CCL22: variants seen among roughly 807,000 people sequenced by gnomAD.
CCL22 encodes C-C motif chemokine 22.
Under a neutral mutation model 7.6 loss-of-function variants are expected in CCL22, and 7 were observed. That is an observed-to-expected ratio of 0.92 (90% confidence interval 0.52 to 1.72). CCL22 has a LOEUF of 1.72. Among genes scored for constraint, CCL22 ranks in the 40% most tolerant of loss-of-function variants. CCL22 has a pLI of 0.00. For synonymous variants in CCL22, 55 were observed against 47.2 expected (o/e 1.17, Z -0.68); for missense variants, 115 against 124.7 (o/e 0.92, Z 0.37).
intron 2 of CCL22, among the ~76,000 whole-genome samples, chr16:57,361,128 G>A (rs1902044446): frequency 6.6e-6 from 1 of 151,994 alleles, no homozygotes; most frequent in African/African-American, 2.4e-5. Flanking sequence ...GTGTGATGGT[G>A]CGTGCCTGTG....
At chr16:57,359,024 G>A in intron 1 of CCL22, 135 bp downstream of exon 1, 3 of 714,038 alleles carry the variant, frequency 4.2e-6, no homozygotes, top group South Asian at 1.5e-5. Context: ...CCTTCGGCTA[G>A]TTGCAGTGCT....
intron 1 of CCL22, 42 bp downstream of exon 1, chr16:57,358,931 C>T (rs781254666): frequency 2.1e-6 from 3 of 1,458,398 alleles, no homozygotes; most frequent in Non-Finnish European, 2.9e-6. Context: ...GAGGCCAGGG[C>T]AGACGGTGGG....
chr16:57,358,581 C>T (rs1183229409), upstream of CCL22, among the ~76,000 whole-genome samples: 2 of 137,694 alleles, frequency 1.5e-5, no homozygotes, highest in African/African-American at 2.5e-5. Context: ...AAACCAGAGG[C>T]GAGGACAGAG....
At chr16:57,359,150 C>A (rs1902020903) in intron 1 of CCL22, among the ~76,000 whole-genome samples, 1 of 151,942 alleles carries the variant, frequency 6.6e-6, no homozygotes, top group Admixed American at 6.6e-5. Context: ...ATCTCCTGCC[C>A]CAGAAAACTC....
At position 57,364,512 on chromosome 16, in the gene CCL22, C is replaced by T. The variant is rs1275467321; in HGVS notation, c.*924C>T. The T allele has an allele frequency of 3.6e-5, 5 of 140,836 alleles. No homozygotes were observed. Among genetic ancestry groups the T allele is most frequent in the Non-Finnish European group, 6.1e-5 (4 of 65,882 alleles). The allele number at this position is 140,836 out of a possible 1,614,324, so 8.7% of individuals were successfully genotyped here. On this transcript the variant is annotated 3_prime_UTR_variant, in exon 3 of 3. Coordinates refer to ENST00000219235, the MANE Select transcript of CCL22 (RefSeq NM_002990.5). ...TTTTTTTTTGAGATGGAGTTTCGCT[C>T]TTGTCACCCACGCTGGAGTGCAATG...
rs1171352809 is a variant in CCL22, at chr16:57,366,042, C to T, written c.*2454C>T. ...TCCAGGGCCTGTGTCCCTCCCGAAC[C>T]CAGGGTCAACCTGCCTACCACAGGC... On this transcript the variant is annotated 3_prime_UTR_variant, in exon 3 of 3. Transcript: ENST00000219235. 1 of 152,296 alleles carries T rather than the reference C, an allele frequency of 6.6e-6. No homozygotes were observed. The highest frequency in any genetic ancestry group is 1.5e-5 in the Non-Finnish European group (1 of 68,100). The allele number at this position is 152,296 out of a possible 1,614,324, so 9.4% of individuals were successfully genotyped here. A position where few individuals can be genotyped will look rare whatever the true frequency, so the allele number is the denominator to read the frequency against.
In CCL22 at chr16:57,360,508, G is replaced by T. The variant is rs748315767; in HGVS notation, c.145G>T (p.Val49Leu). The T allele has an allele frequency of 1.2e-6, 2 of 1,614,230 alleles. No individual in the cohort carries two copies. The highest frequency in any genetic ancestry group is 1.7e-6 in the Non-Finnish European group (2 of 1,180,034). ...DYVRYRLPLR[V>L]VKHFYWTSDS... Reference sequence around the variant, plus strand: ...CGTCCGTTACCGTCTGCCCCTGCGCGTGGTGAAACACTTCTACTGGACCTC... The same window carrying T: ...CGTCCGTTACCGTCTGCCCCTGCGCTTGGTGAAACACTTCTACTGGACCTC... The change falls in exon 2 of 3, where the codon GTG becomes TTG. Residue 49 changes from valine (V) to leucine (L), a missense_variant. Coordinates refer to ENST00000219235, the MANE Select transcript of CCL22 (RefSeq NM_002990.5).
At chr16:57,359,158 C>T (rs1902021030) in intron 1 of CCL22, among the ~76,000 whole-genome samples, 1 of 152,054 alleles carries the variant, frequency 6.6e-6, no homozygotes, top group South Asian at 2.1e-4. Context: ...CCCCAGAAAA[C>T]TCAAGCATAG....
At position 57,360,507 on chromosome 16, in the gene CCL22, C is replaced by T. The variant is rs371008561; in HGVS notation, c.144C>T (p.Arg48=). Residue 48 remains arginine (R), a synonymous_variant, in exon 2 of 3, where the codon CGC becomes CGT. Transcript: ENST00000219235. ...ACGTCCGTTACCGTCTGCCCCTGCGCGTGGTGAAACACTTCTACTGGACCT... is the reference window on the plus strand; with the variant it reads ...ACGTCCGTTACCGTCTGCCCCTGCGTGTGGTGAAACACTTCTACTGGACCT... The part of the protein sequence containing the change: ...RDYVRYRLPL[R]VVKHFYWTSD... The T allele has an allele frequency of 1.5e-5, 25 of 1,614,206 alleles. No individual in the cohort carries two copies. Among genetic ancestry groups the T allele is most frequent in the African/African-American group, 6.7e-5 (5 of 75,074 alleles).
Position 57,358,900 on chromosome 16 carries a change from G to A in CCL22, c.73+11G>A. On this transcript the variant is annotated intron_variant, in intron 1 of 2. Coordinates refer to ENST00000219235, the MANE Select transcript of CCL22 (RefSeq NM_002990.5). ...AAGCAACTGAGGCAGGTGAGGCTGG[G>A]GAGCAGGAAGACCCCCTACAGAGGC... 1.2e-6 allele frequency: 2 copies of A among 1,610,216 alleles called. No homozygotes were observed. Among genetic ancestry groups the A allele is most frequent in the Non-Finnish European group, 1.7e-6 (2 of 1,177,338 alleles).
chr16:57,360,381 C>T (rs1436740277), intron 1 of CCL22, 56 bp from the exon 2 acceptor site: 34 of 1,596,066 alleles, frequency 2.1e-5, no homozygotes, highest in Non-Finnish European at 2.7e-5. Context: ...GGGCTGGGGC[C>T]GAGGGTGACC....
rs1902079345 is a variant in CCL22, at chr16:57,364,181, C to T, written c.*593C>T. The stretch of plus-strand genomic sequence containing the variant: ...TTAATAACCCTAGTCACAGTCTCCG[C>T]AGATTCTTGGGATTTGGGGGTTTTC... On this transcript the variant is annotated 3_prime_UTR_variant, in exon 3 of 3. Coordinates refer to ENST00000219235, the MANE Select transcript of CCL22 (RefSeq NM_002990.5). 1 of 153,354 alleles carries T rather than the reference C, an allele frequency of 6.5e-6. No homozygotes were observed. The highest frequency in any genetic ancestry group is 1.5e-5 in the Non-Finnish European group (1 of 68,784). 9.5% of individuals were successfully genotyped at this position (153,354 alleles called of 1,614,324 possible).
intron 2 of CCL22, among the ~76,000 whole-genome samples, chr16:57,360,941 A>C (rs1443964368): frequency 6.6e-6 from 1 of 152,010 alleles, no homozygotes; most frequent in Non-Finnish European, 1.5e-5. Context: ...CTGAGTCAGC[A>C]AAGATGCTCC....
chr16:57,358,797 T>C lies in CCL22; in HGVS notation c.-20T>C. The C allele has an allele frequency of 6.3e-7, 1 of 1,595,030 alleles. No individual in the cohort carries two copies. The highest frequency in any genetic ancestry group is 8.6e-7 in the Non-Finnish European group (1 of 1,162,530). ...TATGTCCCTTTGCAGACACCTGGGC[T>C]GAGACATACAGGACAGAGCATGGAT... On this transcript the variant is annotated 5_prime_UTR_variant, in exon 1 of 3. Transcript: ENST00000219235.
intron 2 of CCL22, among the ~76,000 whole-genome samples, chr16:57,363,206 G>A (rs1567549749): frequency 1.3e-5 from 2 of 152,070 alleles, no homozygotes; most frequent in Admixed American, 6.6e-5. Flanking sequence ...TGTTGCCCAG[G>A]ATGGCCTTAA....
rs1902076087 is a variant in CCL22, at chr16:57,363,855, C to T, written c.*267C>T. On this transcript the variant is annotated 3_prime_UTR_variant, in exon 3 of 3. Transcript: ENST00000219235. ...TTCCCCTGCTTAAACCCTTCCATGA[C>T]TCCCCACTGCCCTAAGCTGAGGTCA... 1 of 404,486 alleles carries T rather than the reference C, an allele frequency of 2.5e-6. No individual in the cohort carries two copies. The highest frequency in any genetic ancestry group is 2.0e-5 in the African/African-American group (1 of 50,088). 25.1% of individuals were successfully genotyped at this position (404,486 alleles called of 1,614,324 possible).
Position 57,363,780 on chromosome 16 carries a change from C to T in CCL22, c.*192C>T. The stretch of plus-strand genomic sequence containing the variant: ...CATCTCCCCCCTGACCCCTCTAACC[C>T]ATCCTCTGCCTCCCTCCCTGCAGTC... On this transcript the variant is annotated 3_prime_UTR_variant, in exon 3 of 3. Coordinates refer to ENST00000219235, the MANE Select transcript of CCL22 (RefSeq NM_002990.5). The T allele has an allele frequency of 3.4e-6, 2 of 580,594 alleles. No homozygotes were observed. The highest frequency in any genetic ancestry group is 6.2e-6 in the Non-Finnish European group (2 of 323,330). The allele number at this position is 580,594 out of a possible 1,614,324, so 36.0% of individuals were successfully genotyped here. A position where few individuals can be genotyped will look rare whatever the true frequency, so the allele number is the denominator to read the frequency against.
Position 57,363,622 on chromosome 16 carries a change from T to C in CCL22, c.*34T>C. ...CTCTGATGACCGTGGCCTTGGCTCCTCCAGGAAGGCTCAGGAGCCCTACCT... is the reference window on the plus strand; with the variant it reads ...CTCTGATGACCGTGGCCTTGGCTCCCCCAGGAAGGCTCAGGAGCCCTACCT... On this transcript the variant is annotated 3_prime_UTR_variant, in exon 3 of 3. Coordinates refer to ENST00000219235, the MANE Select transcript of CCL22 (RefSeq NM_002990.5). The C allele has an allele frequency of 1.4e-6, 2 of 1,441,486 alleles. No individual in the cohort carries two copies. The allele number at this position is 1,441,486 out of a possible 1,614,324, so 89.3% of individuals were successfully genotyped here. A position where few individuals can be genotyped will look rare whatever the true frequency, so the allele number is the denominator to read the frequency against.
Position 57,366,153 on chromosome 16 carries a change from C to T in CCL22, c.*2565C>T, listed in dbSNP as rs1301351656. The T allele has an allele frequency of 1.3e-5, 2 of 152,444 alleles. No individual in the cohort carries two copies. The highest frequency in any genetic ancestry group is 2.9e-5 in the Non-Finnish European group (2 of 68,174). The allele number at this position is 152,444 out of a possible 1,614,324, so 9.4% of individuals were successfully genotyped here. A position where few individuals can be genotyped will look rare whatever the true frequency, so the allele number is the denominator to read the frequency against. The stretch of plus-strand genomic sequence containing the variant: ...CTTCTCCCTCCTGTCCTGTCCTTGC[C>T]CCTCAGGACTGCTGGAAAATAAATC... On this transcript the variant is annotated 3_prime_UTR_variant, in exon 3 of 3. Transcript: ENST00000219235.
Sources: allele counts gnomAD v4.1 joint callset (sites outside exome capture counted in the v4.1 genomes callset), GRCh38; gene constraint gnomAD v4.1.1; transcripts MANE v1.5; gene names NCBI Gene and HGNC (gene_info 2026-07-23, HGNC 2026-07-21).